NAV1: variants seen among roughly 807,000 people sequenced by gnomAD.
NAV1 encodes the protein neuron navigator 1, also known as pore membrane and/or filament interacting like protein 3.
A neutral mutation model predicts 175.2 loss-of-function variants in NAV1; 18 were observed. That is an observed-to-expected ratio of 0.10 (90% CI 0.07 to 0.15). The LOEUF (loss-of-function observed/expected upper bound fraction) is 0.15. NAV1 is among the 10% of genes least tolerant of loss of function. The pLI, the probability that NAV1 is intolerant of heterozygous loss-of-function variation, is 1.00. For missense variants in NAV1, 1,731 were observed against 2,436.6 expected (o/e 0.71, Z 6.10); for synonymous variants, 897 against 978.7 (o/e 0.92, Z 1.56).
intron 2 of NAV1, among the ~76,000 whole-genome samples, chr1:201,600,586 G>A (rs957782146): frequency 6.6e-6 from 1 of 152,134 alleles, no homozygotes; most frequent in African/African-American, 2.4e-5. Flanking sequence ...GTGAAGCGTA[G>A]ATGGGAACTC....
chr1:201,769,807 C>T (rs997272511), intron 3 of NAV1, among the ~76,000 whole-genome samples: 12 of 152,008 alleles, frequency 7.9e-5, no homozygotes, highest in African/African-American at 2.7e-4. Context: ...CCTATTGTAC[C>T]GCAGATATTT....
intron 15 of NAV1, among the ~76,000 whole-genome samples, chr1:201,800,509 T>G (rs927189339): frequency 1.3e-5 from 2 of 152,206 alleles, no homozygotes; most frequent in African/African-American, 4.8e-5. Context: ...GCTTTCATGC[T>G]ATAACAGCAG....
chr1:201,642,265 T>C (rs533247666), intron 2 of NAV1, among the ~76,000 whole-genome samples: 2 of 150,250 alleles, frequency 1.3e-5, no homozygotes, highest in South Asian at 4.3e-4. Context: ...CAGGCTGGAG[T>C]GCAGTGGCGC....
chr1:201,542,060 C>T (rs1363293503), intron 1 of NAV1, among the ~76,000 whole-genome samples: 1 of 152,206 alleles, frequency 6.6e-6, no homozygotes, highest in Non-Finnish European at 1.5e-5. Flanking sequence ...CCAACCCCTG[C>T]TCTTCTCCCC....
intron 13 of NAV1, chr1:201,791,787 C>T (rs1430800042): frequency 1.3e-5 from 2 of 152,214 alleles, no homozygotes; most frequent in East Asian, 3.9e-4. Flanking sequence ...TTCCCAAACC[C>T]TCAATTCATA....
At chr1:201,619,486 G>A (rs939374763), upstream of NAV1, among the ~76,000 whole-genome samples, 1 of 152,254 alleles carries the variant, frequency 6.6e-6, no homozygotes, top group Non-Finnish European at 1.5e-5. Flanking sequence ...GGATGGTCTA[G>A]GGTGCATAAT....
intron 1 of NAV1, among the ~76,000 whole-genome samples, chr1:201,708,440 G>GCGCACACACACACA (rs1553256953): frequency 7.4e-5 from 11 of 148,290 alleles, no homozygotes; most frequent in African/African-American, 2.7e-4. Flanking sequence ...CTACTTGCGC[G>GCGCACACACACACA]CACACACACA....
intron 1 of NAV1, among the ~76,000 whole-genome samples, chr1:201,663,338 G>A (rs573052895): frequency 5.9e-5 from 9 of 152,278 alleles, no homozygotes; most frequent in African/African-American, 2.2e-4. Context: ...TCAAAGGGTA[G>A]CACCTTATGT....
intron 1 of NAV1, among the ~76,000 whole-genome samples, chr1:201,662,317 C>T (rs964696625): frequency 6.6e-6 from 1 of 152,264 alleles, no homozygotes; most frequent in Admixed American, 6.5e-5. Flanking sequence ...TTTGTAGGAT[C>T]TATGGCTGAT....
chr1:201,802,237 G>A lies in NAV1; in HGVS notation c.3518-1356G>A, dbSNP rs1227181058. ...GGAAAATCGTTTGAACCCAGGAGAC[G>A]GAGGTTGCAGTGAGCCAAGATCGCA... On this transcript the variant is annotated intron_variant, in intron 15 of 29. Transcript: ENST00000367296. 1.4e-5 allele frequency among the ~76,000 whole-genome samples: 2 copies of A among 144,586 alleles called. 1 individual carries two copies. The highest frequency in any genetic ancestry group is 5.0e-5 in the African/African-American group (2 of 39,802). The allele number at this position is 144,586 out of a possible 152,430, so 94.9% of individuals were successfully genotyped here. A position where few individuals can be genotyped will look rare whatever the true frequency, so the allele number is the denominator to read the frequency against.
At chr1:201,734,857 G>C (rs1673045120) in intron 3 of NAV1, among the ~76,000 whole-genome samples, 1 of 152,114 alleles carries the variant, frequency 6.6e-6, no homozygotes, top group South Asian at 2.1e-4. Context: ...CTGATGTGTT[G>C]GGATACTGGA....
rs144975415 is a variant in NAV1 at position 201,676,402 on chromosome 1, C to T, written c.757+26977C>T. Among the ~76,000 whole-genome samples, 563 of 152,314 alleles carry T rather than the reference C, an allele frequency of 3.7e-3. 1 individual carries two copies. Among genetic ancestry groups the T allele is most frequent in the Admixed American group, 0.01 (158 of 15,296 alleles). On this transcript the variant is annotated intron_variant, in intron 1 of 29. Transcript: ENST00000367296. ...TTCCCAAGACTGAAATGCAGCTGCC[C>T]AGAAGTGCTGAGGAGGACACAGAGT...
chr1:201,623,464 G>C (rs1258746334), exon 1 of NAV1: 1 of 986,008 alleles, frequency 1.0e-6, no homozygotes, highest in African/African-American at 1.7e-5. Context: ...GCCTGATGAG[G>C]GGGCAGCTTC....
At chr1:201,780,208 G>GAGTCTCTTCC (rs1315799139) in intron 3 of NAV1, among the ~76,000 whole-genome samples, 1 of 152,150 alleles carries the variant, frequency 6.6e-6, no homozygotes, top group African/African-American at 2.4e-5. Context: ...GATAAAGGCA[G>GAGTCTCTTCC]AGTCTCTTCC....
At chr1:201,712,161 T>C (rs1671934581) in intron 1 of NAV1, among the ~76,000 whole-genome samples, 1 of 152,194 alleles carries the variant, frequency 6.6e-6, no homozygotes, top group Non-Finnish European at 1.5e-5. Flanking sequence ...TTTAGGAGAC[T>C]ATATCTGAAC....
chr1:201,723,969 C>T (rs1672497921), intron 3 of NAV1: 1 of 151,946 alleles, frequency 6.6e-6, no homozygotes, highest in South Asian at 2.1e-4. Context: ...AGAAAAAGTC[C>T]CTAGCTTATT....
chr1:201,707,329 A>T (rs1671712255), intron 1 of NAV1, among the ~76,000 whole-genome samples: 1 of 152,188 alleles, frequency 6.6e-6, no homozygotes, highest in Middle Eastern at 3.2e-3. Context: ...CTTCTGACAG[A>T]TAAGAGCCAC....
intron 1 of NAV1, among the ~76,000 whole-genome samples, chr1:201,583,361 C>A (rs1329242824): frequency 6.6e-6 from 1 of 152,276 alleles, no homozygotes; most frequent in East Asian, 1.9e-4. Flanking sequence ...AACAAGCCAA[C>A]CCTTTTTCCC....
upstream of NAV1, among the ~76,000 whole-genome samples, chr1:201,622,147 G>C (rs1400226600): frequency 6.6e-6 from 1 of 152,160 alleles, no homozygotes; most frequent in Admixed American, 6.5e-5. Context: ...GTTTTGTCAT[G>C]GGGGGAGGTG....
Sources: gnomAD v4.1 joint callset for allele counts (sites outside exome capture counted in the v4.1 genomes callset) on GRCh38, gnomAD v4.1.1 for gene constraint, MANE v1.5 for transcripts, NCBI Gene and HGNC (gene_info 2026-07-23, HGNC 2026-07-21) for gene names.